CTNNA3: variants seen among roughly 807,000 people sequenced by gnomAD.
CTNNA3 encodes catenin alpha 3, also known as catenin alpha-3.
A neutral mutation model predicts 95.7 loss-of-function variants in CTNNA3; 76 were observed. That is an observed-to-expected ratio of 0.79 (90% CI 0.66 to 0.96). CTNNA3 has a LOEUF of 0.96. CTNNA3 is among the 40% of genes least tolerant of loss of function. The pLI, the probability that CTNNA3 is intolerant of heterozygous loss-of-function variation, is 0.00. For synonymous variants in CTNNA3, 431 were observed against 374.4 expected, an observed-to-expected ratio of 1.15 and a Z score of -1.74; for missense variants, 1,191 against 1,089.8, an observed-to-expected ratio of 1.09 and a Z score of -1.31.
intron 13 of CTNNA3, among the ~76,000 whole-genome samples, chr10:66,127,271 CAA>C (rs35884096): frequency 0.15 from 10,837 of 73,756 alleles, 358 homozygotes; most frequent in African/African-American, 0.3. Context: ...GACTCTGTCT[CAA>C]AAAAAAAAAA....
In CTNNA3 at chr10:65,915,274, T is replaced by C. The variant is rs1039439996; in HGVS notation, c.*5056A>G. 6.6e-6 allele frequency: 1 copy of C among 152,156 alleles called. No individual in the cohort carries two copies. Among genetic ancestry groups the C allele is most frequent in the African/African-American group, 2.4e-5 (1 of 41,446 alleles). 9.4% of individuals were successfully genotyped at this position (152,156 alleles called of 1,614,324 possible). ...ATATTACTAAATCATGCTCAAAATA[T>C]GTGTAGTTCATCCTTTTGCCTTCGA... On this transcript the variant is annotated 3_prime_UTR_variant, in exon 18 of 18. Transcript: ENST00000433211.
intron 7 of CTNNA3, among the ~76,000 whole-genome samples, chr10:66,902,550 T>C (rs1159008940): frequency 2.6e-5 from 4 of 151,802 alleles, no homozygotes; most frequent in Non-Finnish European, 4.4e-5. Flanking sequence ...CTGAAGGAGA[T>C]AGAGACACAA....
At position 66,315,812 on chromosome 10, in the gene CTNNA3, C is replaced by T. The variant is rs187285961; in HGVS notation, c.1733-35191G>A. ...CTTAGGAACTGGAAAAGCTGAAGCC[C>T]ATATTTCCTACAACATGATAAAACT... On this transcript the variant is annotated intron_variant, in intron 12 of 17. Transcript: ENST00000433211. 4.6e-5 allele frequency among the ~76,000 whole-genome samples: 7 copies of T among 152,120 alleles called. No homozygotes were observed. The East Asian group carries it at 1.4e-3, about 29-fold the overall frequency.
At chr10:67,098,719 A>G (rs1365966952) in intron 7 of CTNNA3, 1 of 152,434 alleles carries the variant, frequency 6.6e-6, no homozygotes, top group African/African-American at 2.4e-5. Context: ...TGCAGCTGCC[A>G]GTGACAAATA....
At chr10:66,767,290 A>T (rs1589232075) in intron 8 of CTNNA3, among the ~76,000 whole-genome samples, 1 of 152,006 alleles carries the variant, frequency 6.6e-6, no homozygotes, top group Admixed American at 6.6e-5. Flanking sequence ...TACTAAAAAT[A>T]AAAAAATTAG....
chr10:66,143,969 T>G (rs886954364), intron 13 of CTNNA3, among the ~76,000 whole-genome samples: 1 of 152,244 alleles, frequency 6.6e-6, no homozygotes, highest in Non-Finnish European at 1.5e-5. Context: ...TTAAAATATG[T>G]CATAGTATAA....
At chr10:67,560,581 A>G (rs1016692692) in intron 3 of CTNNA3, among the ~76,000 whole-genome samples, 2 of 152,216 alleles carry the variant, frequency 1.3e-5, no homozygotes, top group African/African-American at 4.8e-5. Flanking sequence ...TGCATCAACT[A>G]ACGAGGAAAA....
At chr10:67,095,028 T>C (rs1237001620) in intron 7 of CTNNA3, among the ~76,000 whole-genome samples, 1 of 145,746 alleles carries the variant, frequency 6.9e-6, no homozygotes, top group Non-Finnish European at 1.5e-5. Context: ...TATGTGTATA[T>C]ACATATATGT....
rs1848317172 is a variant in CTNNA3, at chr10:66,947,228, C to T, written c.1048-171704G>A. 3.9e-5 allele frequency among the ~76,000 whole-genome samples: 6 copies of T among 152,222 alleles called. No homozygotes were observed. The South Asian group carries it at 1.2e-3, about 32-fold the overall frequency. ...GTATGGCCCCAGGACAGTGTTGTAA[C>T]TTAGAGGACCAATTACTCTCTGATT... is the stretch of plus-strand genomic sequence containing the variant. On this transcript the variant is annotated intron_variant, in intron 7 of 17. Coordinates refer to ENST00000433211, the MANE Select transcript of CTNNA3 (RefSeq NM_013266.4).
chr10:67,524,965 A>C (rs1173794470), intron 4 of CTNNA3, among the ~76,000 whole-genome samples: 2 of 152,206 alleles, frequency 1.3e-5, no homozygotes, highest in African/African-American at 2.4e-5. Context: ...TGTTCAGTAC[A>C]TGATAATTTT....
Position 66,360,632 on chromosome 10 carries a change from TTTC to T in CTNNA3, c.1732+18517_1732+18519del, listed in dbSNP as rs1339926063. On this transcript the variant is annotated intron_variant, in intron 12 of 17. Coordinates refer to ENST00000433211, the MANE Select transcript of CTNNA3 (RefSeq NM_013266.4). Reference sequence around the variant, plus strand: ...CTTTCTTTCTTTCTTTCTTTCTTTCTTTCTTTCTTTCTTTCTTTCTTTCTTTCT... The same window carrying T: ...CTTTCTTTCTTTCTTTCTTTCTTTCTTTTCTTTCTTTCTTTCTTTCTTTCT... 0.015 allele frequency among the ~76,000 whole-genome samples: 785 copies of T among 50,858 alleles called. 21 individuals carry two copies. The East Asian group carries it at 0.16, about 10-fold the overall frequency. 33.4% of individuals were successfully genotyped at this position (50,858 alleles called of 152,430 possible).
intron 9 of CTNNA3, among the ~76,000 whole-genome samples, chr10:66,752,537 A>C (rs377400675): frequency 6.6e-6 from 1 of 152,312 alleles, no homozygotes; most frequent in East Asian, 1.9e-4. Flanking sequence ...TTTCTTATCT[A>C]AGTCATAAAA....
intron 11 of CTNNA3, among the ~76,000 whole-genome samples, chr10:66,467,691 A>G (rs1838973481): frequency 6.6e-6 from 1 of 152,104 alleles, no homozygotes; most frequent in East Asian, 1.9e-4. Context: ...TATTAAGATG[A>G]AGCCAACCCG....
At chr10:67,694,099 T>C (rs564564484) in intron 1 of CTNNA3, among the ~76,000 whole-genome samples, 14 of 152,352 alleles carry the variant, frequency 9.2e-5, no homozygotes, top group African/African-American at 2.9e-4. Context: ...AATCACTATG[T>C]CTACATGGTC....
intron 7 of CTNNA3, among the ~76,000 whole-genome samples, chr10:66,914,702 G>A (rs1406925445): frequency 2.0e-5 from 3 of 152,122 alleles, no homozygotes; most frequent in Non-Finnish European, 4.4e-5. Context: ...GGAGTTGGGG[G>A]ATCAGCAAAC....
chr10:66,069,844 G>C (rs2080396363), intron 14 of CTNNA3, among the ~76,000 whole-genome samples: 1 of 152,046 alleles, frequency 6.6e-6, no homozygotes, highest in South Asian at 2.1e-4. Context: ...TGTTAGAAAA[G>C]TGCGTATAAA....
intron 14 of CTNNA3, among the ~76,000 whole-genome samples, chr10:66,090,723 G>A (rs1346232073): frequency 6.6e-6 from 1 of 151,874 alleles, no homozygotes; most frequent in Non-Finnish European, 1.5e-5. Context: ...CTATTACATA[G>A]CTGATGACTT....
intron 7 of CTNNA3, among the ~76,000 whole-genome samples, chr10:66,999,734 T>C: frequency 6.6e-6 from 1 of 152,168 alleles, no homozygotes; most frequent in East Asian, 1.9e-4. Flanking sequence ...CAAAAAACAA[T>C]TGGCAATTTT....
intron 7 of CTNNA3, among the ~76,000 whole-genome samples, chr10:66,949,242 A>G (rs939890941): frequency 6.6e-6 from 1 of 152,188 alleles, no homozygotes; most frequent in Non-Finnish European, 1.5e-5. Flanking sequence ...AAATATTATG[A>G]TAAACATCCC....
Sources: allele counts gnomAD v4.1 joint callset (sites outside exome capture counted in the v4.1 genomes callset), GRCh38; gene constraint gnomAD v4.1.1; transcripts MANE v1.5; gene names NCBI Gene and HGNC (gene_info 2026-07-23, HGNC 2026-07-21).